Variants in DNM3 observed in about 807,000 individuals in gnomAD.
DNM3 encodes dynamin-3.
In DNM3, 47 loss-of-function variants were observed where a neutral mutation model predicts 101.6. The ratio of observed to expected loss-of-function variants is 0.46; its 90% CI spans 0.37 to 0.59. The LOEUF is 0.59. DNM3 is among the 20% of genes least tolerant of loss of function. DNM3 has a pLI of 0.00. For missense variants in DNM3, 849 were observed against 1,085.7 expected, an observed-to-expected ratio of 0.78 and a Z score of 3.06; for synonymous variants, 385 against 387.9, an observed-to-expected ratio of 0.99 and a Z score of 0.09.
At chr1:171,903,249 T>C (rs1025123735) in intron 1 of DNM3, among the ~76,000 whole-genome samples, 5 of 152,192 alleles carry the variant, frequency 3.3e-5, no homozygotes, top group African/African-American at 1.2e-4. Context: ...TTGAGAGAAA[T>C]AAGATAAAAG....
chr1:172,337,818 G>A (rs2066493588), intron 17 of DNM3, among the ~76,000 whole-genome samples: 1 of 149,550 alleles, frequency 6.7e-6, no homozygotes, highest in South Asian at 2.2e-4. Context: ...GGAATATCTG[G>A]GAATATGGCT....
At chr1:172,061,456 C>G (rs990721083) in intron 10 of DNM3, among the ~76,000 whole-genome samples, 4 of 150,582 alleles carry the variant, frequency 2.7e-5, no homozygotes, top group Non-Finnish European at 5.9e-5. Flanking sequence ...CCCAAATGTC[C>G]AACAATGATA....
At chr1:171,858,476 C>T (rs952753366) in intron 1 of DNM3, among the ~76,000 whole-genome samples, 12 of 152,052 alleles carry the variant, frequency 7.9e-5, no homozygotes, top group Admixed American at 3.3e-4. Context: ...ATGCAGGAAC[C>T]AAATGGATTT....
intron 2 of DNM3, among the ~76,000 whole-genome samples, chr1:171,953,413 C>T (rs115006914): frequency 0.014 from 2,030 of 150,222 alleles, 54 homozygotes; most frequent in African/African-American, 0.046. Context: ...ATGCCCCATG[C>T]GCAATTCTTT....
chr1:172,092,634 G>A (rs12568908), intron 12 of DNM3, among the ~76,000 whole-genome samples, 190 bp from the exon 13 acceptor site: 5,446 of 152,130 alleles, frequency 0.036, 228 homozygotes, highest in East Asian at 0.13. Flanking sequence ...TATGCTACTA[G>A]GAGTTATGTG....
chr1:171,908,897 T>C (rs2039052308), intron 1 of DNM3, among the ~76,000 whole-genome samples: 2 of 152,158 alleles, frequency 1.3e-5, no homozygotes, highest in African/African-American at 4.8e-5. Context: ...AAATGTGGCC[T>C]GTCCCTCCCT....
At chr1:172,328,072 A>G (rs2066013840) in intron 17 of DNM3, among the ~76,000 whole-genome samples, 1 of 152,228 alleles carries the variant, frequency 6.6e-6, no homozygotes, top group Admixed American at 6.5e-5. Context: ...AATAGACTCT[A>G]TAGAGAAGCA....
intron 15 of DNM3, among the ~76,000 whole-genome samples, chr1:172,308,013 A>C (rs912779984): frequency 1.3e-5 from 2 of 152,178 alleles, no homozygotes; most frequent in African/African-American, 4.8e-5. Context: ...TAGAACTTAA[A>C]GTATAATAAT....
At chr1:171,925,097 C>T (rs1371233604) in intron 2 of DNM3, among the ~76,000 whole-genome samples, 1 of 151,130 alleles carries the variant, frequency 6.6e-6, no homozygotes, top group Non-Finnish European at 1.5e-5. Context: ...GACGGGGTTT[C>T]ACCATGTTGG....
intron 16 of DNM3, among the ~76,000 whole-genome samples, chr1:172,315,610 A>G (rs1322523173): frequency 6.6e-6 from 1 of 152,264 alleles, no homozygotes; most frequent in Non-Finnish European, 1.5e-5. Context: ...TCAAGAACCA[A>G]TGCGATCAAC....
intron 20 of DNM3, among the ~76,000 whole-genome samples, chr1:172,396,866 G>GT (rs1300243905): frequency 3.9e-5 from 6 of 152,110 alleles, no homozygotes; most frequent in Non-Finnish European, 7.4e-5. Flanking sequence ...ATGAGAATAG[G>GT]AGATGAGAAA....
intron 1 of DNM3, among the ~76,000 whole-genome samples, chr1:171,918,857 A>G (rs2039930707): frequency 6.6e-6 from 1 of 152,252 alleles, no homozygotes; most frequent in Non-Finnish European, 1.5e-5. Context: ...TTTTGCTTTA[A>G]CAACATTCAC....
At chr1:172,099,107 A>T (rs1475415646) in intron 13 of DNM3, among the ~76,000 whole-genome samples, 1 of 152,202 alleles carries the variant, frequency 6.6e-6, no homozygotes, top group Non-Finnish European at 1.5e-5. Flanking sequence ...AAGAGAGAAG[A>T]TGAGTTAGAG....
At chr1:172,235,268 A>G (rs1311411870) in intron 14 of DNM3, among the ~76,000 whole-genome samples, 1 of 152,238 alleles carries the variant, frequency 6.6e-6, no homozygotes, top group Non-Finnish European at 1.5e-5. Context: ...ACTGGTCATC[A>G]GAGAAATGCA....
rs139933787 is a variant in DNM3 at position 172,229,376 on chromosome 1, CAGTA to C, written c.1660-24194_1660-24191del. Among the ~76,000 whole-genome samples, 82 of 152,166 alleles carry C rather than the reference CAGTA, an allele frequency of 5.4e-4. 1 individual carries two copies. The East Asian group carries it at 0.012, about 22-fold the overall frequency. ...ATGTTATAAAACAATCTGAGAAAGT[CAGTA>C]AGAACTCACAATCAAATGGCAATTA... On this transcript the variant is annotated intron_variant, in intron 14 of 20. Transcript: ENST00000627582.
intron 16 of DNM3, chr1:172,311,156 A>G (rs1196255540): frequency 6.6e-6 from 1 of 152,172 alleles, no homozygotes; most frequent in East Asian, 1.9e-4. Flanking sequence ...TATAATTATT[A>G]TGATTCTTAT....
chr1:172,196,195 T>C (rs1224160423), intron 14 of DNM3, among the ~76,000 whole-genome samples: 1 of 151,986 alleles, frequency 6.6e-6, no homozygotes, highest in East Asian at 1.9e-4. Context: ...CTAAGGATGA[T>C]AGCCTCCAGC....
chr1:172,296,788 A>G (rs551585761), intron 15 of DNM3, among the ~76,000 whole-genome samples: 18 of 152,310 alleles, frequency 1.2e-4, no homozygotes, highest in Admixed American at 5.9e-4. Context: ...AGTTATTTGT[A>G]GTACTGAGAA....
At chr1:172,334,997 A>T (rs999088970) in intron 17 of DNM3, among the ~76,000 whole-genome samples, 2 of 152,222 alleles carry the variant, frequency 1.3e-5, no homozygotes, top group Non-Finnish European at 2.9e-5. Flanking sequence ...AGATACAAAA[A>T]TAGACTCAGT....
Sources: allele counts gnomAD v4.1 joint callset (sites outside exome capture counted in the v4.1 genomes callset), GRCh38; gene constraint gnomAD v4.1.1; transcripts MANE v1.5; gene names NCBI Gene and HGNC (gene_info 2026-07-23, HGNC 2026-07-21).